P4HA1: variants seen among roughly 807,000 people sequenced by gnomAD.
P4HA1 encodes prolyl 4-hydroxylase subunit alpha-1.
Under a neutral mutation model 72.8 loss-of-function variants are expected in P4HA1, and 24 were observed. The ratio of observed to expected loss-of-function variants is 0.33; its 90% CI spans 0.24 to 0.46. The LOEUF (loss-of-function observed/expected upper bound fraction) is 0.46, where lower values mean the gene tolerates loss of function less well. P4HA1 is among the 20% of genes least tolerant of loss of function. The pLI is 1.00. For synonymous variants in P4HA1, 201 were observed against 218.8 expected (o/e 0.92, Z 0.72); for missense variants, 446 against 640.6 (o/e 0.70, Z 3.28).
intron 5 of P4HA1, chr10:73,065,545 CCCA>C (rs1173572832): frequency 1.3e-5 from 2 of 152,230 alleles, no homozygotes; most frequent in African/African-American, 2.4e-5. Flanking sequence ...CTCCCTCACC[CCCA>C]CCATTTCACA....
intron 10 of P4HA1, among the ~76,000 whole-genome samples, chr10:73,017,730 A>C (rs1840042809): frequency 6.6e-6 from 1 of 152,176 alleles, no homozygotes; most frequent in Admixed American, 6.5e-5. Flanking sequence ...ACAATGTCCC[A>C]GTGTGACGCA....
intron 3 of P4HA1, among the ~76,000 whole-genome samples, chr10:73,072,898 G>A (rs764714981): frequency 1.3e-5 from 2 of 152,060 alleles, no homozygotes; most frequent in South Asian, 2.1e-4. Flanking sequence ...GGCTGGGTGC[G>A]GTGGCTCACG....
At chr10:73,091,274 A>T (rs1223986001) in intron 1 of P4HA1, among the ~76,000 whole-genome samples, 2 of 152,060 alleles carry the variant, frequency 1.3e-5, no homozygotes, top group Non-Finnish European at 2.9e-5. Flanking sequence ...TGAGGTCCTA[A>T]ATTCAACCAG....
intron 8 of P4HA1, among the ~76,000 whole-genome samples, 179 bp from the exon 9 acceptor site, chr10:73,045,230 G>GTT (rs368227568): frequency 2.8e-5 from 4 of 145,214 alleles, no homozygotes; most frequent in African/African-American, 1.0e-4. Context: ...GGTTTTTGGG[G>GTT]TTTTTTTTTT....
chr10:73,009,542 C>A, intron 14 of P4HA1: 1 of 357,396 alleles, frequency 2.8e-6, no homozygotes, highest in East Asian at 5.0e-5. Context: ...AGATTATTAA[C>A]CCTTTGAGGG....
chr10:73,095,241 A>AT (rs1842137679), intron 1 of P4HA1, among the ~76,000 whole-genome samples: 1 of 151,292 alleles, frequency 6.6e-6, no homozygotes, highest in African/African-American at 2.4e-5. Context: ...AAAAAAAAAA[A>AT]AAAAAAAAAA....
chr10:73,068,013 C>A (rs535725264), intron 5 of P4HA1, among the ~76,000 whole-genome samples: 36 of 151,992 alleles, frequency 2.4e-4, no homozygotes, highest in Non-Finnish European at 5.0e-4. Context: ...TTATCAAAAG[C>A]GTTATAATGT....
intron 10 of P4HA1, among the ~76,000 whole-genome samples, chr10:73,029,837 C>T (rs1051394512): frequency 3.3e-5 from 5 of 150,618 alleles, no homozygotes; most frequent in African/African-American, 1.2e-4. Context: ...ATAAAAGTAA[C>T]AGAAAAAGAG....
chr10:73,048,552 A>G (rs1418645385), intron 7 of P4HA1, among the ~76,000 whole-genome samples: 1 of 152,202 alleles, frequency 6.6e-6, no homozygotes. Context: ...GGCATGAGCC[A>G]TCGTGCCTGG....
chr10:73,008,384 C>A, intron 14 of P4HA1, 92 bp from the exon 15 acceptor site: 1 of 818,248 alleles, frequency 1.2e-6, no homozygotes, highest in African/African-American at 1.7e-5. Context: ...AAAGTTTCAT[C>A]ATGGGATAAA....
intron 6 of P4HA1, among the ~76,000 whole-genome samples, chr10:73,052,207 A>G (rs1841037784): frequency 1.3e-5 from 2 of 151,890 alleles, no homozygotes; most frequent in Non-Finnish European, 2.9e-5. Flanking sequence ...AAAAAAAACT[A>G]AAGAACCACA....
intron 1 of P4HA1, among the ~76,000 whole-genome samples, chr10:73,078,464 C>A (rs1841750036): frequency 6.6e-6 from 1 of 152,066 alleles, no homozygotes; most frequent in South Asian, 2.1e-4. Flanking sequence ...ATTACCCCAA[C>A]ACAAAGTTAT....
At chr10:73,076,864 A>C in intron 1 of P4HA1, among the ~76,000 whole-genome samples, 1 of 152,158 alleles carries the variant, frequency 6.6e-6, no homozygotes, top group East Asian at 1.9e-4. Context: ...ACGTGAGCTA[A>C]ACCAAAAGGC....
At chr10:73,079,443 C>T (rs1484978375) in intron 1 of P4HA1, among the ~76,000 whole-genome samples, 1 of 151,164 alleles carries the variant, frequency 6.6e-6, no homozygotes, top group Admixed American at 6.6e-5. Flanking sequence ...ACTCTATACC[C>T]GTAAAAACAA....
chr10:73,085,758 A>T (rs1841912920), intron 1 of P4HA1, among the ~76,000 whole-genome samples: 1 of 152,162 alleles, frequency 6.6e-6, no homozygotes, highest in South Asian at 2.1e-4. Flanking sequence ...AAGATGTTCA[A>T]CATCATTCAT....
intron 1 of P4HA1, among the ~76,000 whole-genome samples, chr10:73,076,529 T>C (rs1841701553): frequency 6.6e-6 from 1 of 152,148 alleles, no homozygotes; most frequent in Non-Finnish European, 1.5e-5. Context: ...CCTCTTTTCT[T>C]TTTTTAAACC....
At chr10:73,032,497 T>TC (rs1840454378) in intron 9 of P4HA1, among the ~76,000 whole-genome samples, 1 of 152,240 alleles carries the variant, frequency 6.6e-6, no homozygotes. Flanking sequence ...TCCTCTAGTA[T>TC]CTCAGGCTGC....
intron 9 of P4HA1, 47 bp from the exon 10 acceptor site, chr10:73,030,417 TG>T: frequency 1.0e-6 from 1 of 955,752 alleles, no homozygotes; most frequent in Non-Finnish European, 1.6e-6. Context: ...TTTCATTACA[TG>T]GAGACTAATA....
rs150141210 is a variant in P4HA1 at position 73,066,189 on chromosome 10, T to C, written c.463+2657A>G. On this transcript the variant is annotated intron_variant, in intron 5 of 14. Transcript: ENST00000394890. ...CTAAAAACTCTTATGCTAGTATTCA[T>C]GCTATTATTTTTACCACTTATAGGG... is the stretch of plus-strand genomic sequence containing the variant. Among the ~76,000 whole-genome samples the C allele has an allele frequency of 1.4e-4, 22 of 152,316 alleles. 1 individual carries two copies. In the East Asian group the frequency reaches 4.2e-3, roughly 29 times the overall value.
Sources: gnomAD v4.1 joint callset for allele counts (sites outside exome capture counted in the v4.1 genomes callset) on GRCh38, gnomAD v4.1.1 for gene constraint, MANE v1.5 for transcripts, NCBI Gene and HGNC (gene_info 2026-07-23, HGNC 2026-07-21) for gene names.